Variants in NUP88 observed in about 807,000 individuals in gnomAD.
NUP88 encodes the protein nuclear pore complex protein Nup88.
A neutral mutation model predicts 93.9 loss-of-function variants in NUP88; 57 were observed. The ratio of observed to expected loss-of-function variants is 0.61; its 90% CI spans 0.49 to 0.76. The LOEUF (loss-of-function observed/expected upper bound fraction) is 0.76, where lower values mean the gene tolerates loss of function less well. Among genes scored for constraint, NUP88 ranks in the 30% least tolerant of loss-of-function variants. The probability of loss-of-function intolerance (pLI) is 0.00; values close to 1 mark genes in which losing one functional copy is unlikely to be tolerated. For synonymous variants in NUP88, 346 were observed against 336.8 expected, an observed-to-expected ratio of 1.03 and a Z score of -0.30; for missense variants, 911 against 901.0, an observed-to-expected ratio of 1.01 and a Z score of -0.14.
rs748424341 is a variant in NUP88 at position 5,419,552 on chromosome 17, G to T, written c.99C>A (p.Asn33Lys). Residue 33 changes from asparagine to lysine, a missense_variant, in exon 1 of 17, where the codon AAC becomes AAA. Physicochemically the swap from Asn to Lys is moderately conservative, Grantham distance 94. Coordinates refer to ENST00000573584, the MANE Select transcript of NUP88 (RefSeq NM_002532.6). Reference sequence around the variant, plus strand: ...GTTTCTCAGCTTCGGTTGGACTCTGGTTTTTCAGTCCCTCCCGGAGCCGCA... The same window carrying T: ...GTTTCTCAGCTTCGGTTGGACTCTGTTTTTTCAGTCCCTCCCGGAGCCGCA... The part of the protein sequence containing the change: ...VFLRLREGLK[N>K]QSPTEAEKPA... 6.2e-7 allele frequency: 1 copy of T among 1,613,142 alleles called. No homozygotes were observed.
chr17:5,406,537 G>C (rs1381471262), intron 5 of NUP88, among the ~76,000 whole-genome samples: 2 of 152,102 alleles, frequency 1.3e-5, no homozygotes, highest in Non-Finnish European at 2.9e-5. Context: ...TCTGGTATTA[G>C]GGAGGAAGAC....
Position 5,419,307 on chromosome 17 carries a change from G to A in NUP88, c.297+47C>T, listed in dbSNP as rs748793301. Reference sequence around the variant, plus strand: ...AGAGGAGCAAGGAACAAAAAAGACTGGTTCCGATCCCGGTGAGGGTCACTT... The same window carrying A: ...AGAGGAGCAAGGAACAAAAAAGACTAGTTCCGATCCCGGTGAGGGTCACTT... On this transcript the variant is annotated intron_variant, in intron 1 of 16. Coordinates refer to ENST00000573584, the MANE Select transcript of NUP88 (RefSeq NM_002532.6). 2.0e-6 allele frequency: 3 copies of A among 1,505,204 alleles called. No homozygotes were observed. The Admixed American group carries it at 6.9e-5, about 34-fold the overall frequency. 93.2% of individuals were successfully genotyped at this position (1,505,204 alleles called of 1,614,324 possible). A position where few individuals can be genotyped will look rare whatever the true frequency, so the allele number is the denominator to read the frequency against.
Position 5,394,876 on chromosome 17 carries a change from AG to A in NUP88, c.1382+14del. 1 of 1,558,238 alleles carries A rather than the reference AG, an allele frequency of 6.4e-7. No individual in the cohort carries two copies. Among genetic ancestry groups the A allele is most frequent in the Non-Finnish European group, 8.9e-7 (1 of 1,129,318 alleles). On this transcript the variant is annotated intron_variant, in intron 9 of 16. Coordinates refer to ENST00000573584, the MANE Select transcript of NUP88 (RefSeq NM_002532.6). ...ACAATTGTTTTCTGATATACAAGGGAGGGAGAGTCCTTACCTGCAGGGCAAT... is the reference window on the plus strand; with the variant it reads ...ACAATTGTTTTCTGATATACAAGGGAGGAGAGTCCTTACCTGCAGGGCAAT...
rs199804588 is a variant in NUP88, at chr17:5,400,139, T to TAAAAAA, written c.1193-490_1193-489insTTTTTT. Reference sequence around the variant, plus strand: ...GCAGGGTTGCCACATCTTTCATTTGTTAAAAAAAAAAAAAAAAAGCACTGT... The same window carrying TAAAAAA: ...GCAGGGTTGCCACATCTTTCATTTGTAAAAAATAAAAAAAAAAAAAAAAAGCACTGT... On this transcript the variant is annotated intron_variant, in intron 7 of 16. Coordinates refer to ENST00000573584, the MANE Select transcript of NUP88 (RefSeq NM_002532.6). 7.2e-5 allele frequency among the ~76,000 whole-genome samples: 8 copies of TAAAAAA among 111,608 alleles called. 1 individual carries two copies. The highest frequency in any genetic ancestry group is 9.3e-5 in the Admixed American group (1 of 10,758). The allele number at this position is 111,608 out of a possible 152,430, so 73.2% of individuals were successfully genotyped here. A position where few individuals can be genotyped will look rare whatever the true frequency, so the allele number is the denominator to read the frequency against.
At chr17:5,416,812 C>T (rs1457579176) in intron 1 of NUP88, 130 bp from the exon 2 acceptor site, 5 of 680,416 alleles carry the variant, frequency 7.3e-6, no homozygotes, top group African/African-American at 5.9e-5. Flanking sequence ...AGTACTCACA[C>T]TTGTACCATT....
At chr17:5,399,880 C>T (rs1475964444) in intron 7 of NUP88, among the ~76,000 whole-genome samples, 1 of 151,970 alleles carries the variant, frequency 6.6e-6, no homozygotes. Context: ...TGGTTCCAGA[C>T]CATTGCAATA....
intron 1 of NUP88, 77 bp from the exon 2 acceptor site, chr17:5,416,759 A>AACTAAAGTAT: frequency 1.7e-6 from 2 of 1,161,438 alleles, no homozygotes; most frequent in Non-Finnish European, 2.4e-6. Context: ...AATCACAGTA[A>AACTAAAGTAT]TACTTAGTTT....
chr17:5,401,937 T>G (rs1212988766), intron 7 of NUP88, among the ~76,000 whole-genome samples: 1 of 152,184 alleles, frequency 6.6e-6, no homozygotes, highest in Non-Finnish European at 1.5e-5. Context: ...TGTGCCTCAG[T>G]GATTATAATA....
In NUP88 at chr17:5,399,768, A is replaced by C. The variant is rs937909883; in HGVS notation, c.1193-118T>G. On this transcript the variant is annotated intron_variant, in intron 7 of 16. Coordinates refer to ENST00000573584, the MANE Select transcript of NUP88 (RefSeq NM_002532.6). ...AACGCATTTGTTGATGGAAGGTTTT[A>C]TAAAAGACTTTCATATTGTTAGGGG... is the stretch of plus-strand genomic sequence containing the variant. 7.7e-6 allele frequency: 4 copies of C among 518,720 alleles called. 1 individual carries two copies. In the Admixed American group the frequency reaches 1.1e-4, roughly 15 times the overall value. 32.1% of individuals were successfully genotyped at this position (518,720 alleles called of 1,614,324 possible).
At position 5,410,865 on chromosome 17, in the gene NUP88, C is replaced by T. The variant is rs878866712; in HGVS notation, c.594-76G>A. ...CCCAAAACTGCACTTTCCTCTCCAT[C>T]TAGTCAGTTCTTGAGAATTTTCTAA... On this transcript the variant is annotated intron_variant, in intron 3 of 16. Coordinates refer to ENST00000573584, the MANE Select transcript of NUP88 (RefSeq NM_002532.6). 7.9e-6 allele frequency: 7 copies of T among 881,586 alleles called. No homozygotes were observed. The South Asian group carries it at 1.0e-4, about 13-fold the overall frequency. 54.6% of individuals were successfully genotyped at this position (881,586 alleles called of 1,614,324 possible).
In NUP88 at chr17:5,386,009, T is replaced by C. The variant is rs1024013862; in HGVS notation, c.*197A>G. 2 of 529,808 alleles carry C rather than the reference T, an allele frequency of 3.8e-6. No homozygotes were observed. Among genetic ancestry groups the C allele is most frequent in the African/African-American group, 3.9e-5 (2 of 50,718 alleles). The allele number at this position is 529,808 out of a possible 1,614,324, so 32.8% of individuals were successfully genotyped here. A position where few individuals can be genotyped will look rare whatever the true frequency, so the allele number is the denominator to read the frequency against. On this transcript the variant is annotated 3_prime_UTR_variant, in exon 17 of 17. Transcript: ENST00000573584. Reference sequence around the variant, plus strand: ...GTCCTTGCTGAACACAACTGTAGGCTTGAGTTATAAAGCACATTCCAAATT... The same window carrying C: ...GTCCTTGCTGAACACAACTGTAGGCCTGAGTTATAAAGCACATTCCAAATT...
In NUP88 at chr17:5,388,784, A is replaced by G. The variant is rs1912218253; in HGVS notation, c.1643+18T>C. ...AAGAGAACCCATTCATAAAACCGCT[A>G]TGCCCAAGGTTGCATACTTCAAAAA... On this transcript the variant is annotated intron_variant, in intron 11 of 16. Coordinates refer to ENST00000573584, the MANE Select transcript of NUP88 (RefSeq NM_002532.6). The G allele has an allele frequency of 2.5e-6, 4 of 1,604,970 alleles. No individual in the cohort carries two copies. The highest frequency in any genetic ancestry group is 2.6e-6 in the Non-Finnish European group (3 of 1,175,314).
At chr17:5,408,959 G>A in intron 4 of NUP88, 50 bp from the exon 5 acceptor site, 6 of 1,445,546 alleles carry the variant, frequency 4.2e-6, no homozygotes, top group Admixed American at 2.6e-5. Context: ...ACAACAAAAA[G>A]TAAAAAGAAA....
chr17:5,388,773 A>C, intron 11 of NUP88, 29 bp downstream of exon 11: 1 of 1,597,174 alleles, frequency 6.3e-7, no homozygotes, highest in Non-Finnish European at 8.5e-7. Context: ...GAACCCATTC[A>C]TAAAACCGCT....
At chr17:5,412,279 C>T (rs1461180895) in intron 3 of NUP88, among the ~76,000 whole-genome samples, 4 of 152,118 alleles carry the variant, frequency 2.6e-5, no homozygotes, top group African/African-American at 9.7e-5. Context: ...AAGATTTTCC[C>T]TCTCCTCTTT....
chr17:5,395,002 T>C (rs765175531), intron 8 of NUP88, 21 bp from the exon 9 acceptor site: 10 of 1,372,884 alleles, frequency 7.3e-6, no homozygotes, highest in Non-Finnish European at 1.0e-5. Context: ...AGACATTACA[T>C]AAATGAAATG....
rs768427233 is a variant in NUP88, at chr17:5,388,794, T to C, written c.1643+8A>G. ...ATTCATAAAACCGCTATGCCCAAGG[T>C]TGCATACTTCAAAAATGCTGGATTG... On this transcript the variant is annotated splice_region_variant and intron_variant, in intron 11 of 16. Coordinates refer to ENST00000573584, the MANE Select transcript of NUP88 (RefSeq NM_002532.6). 8 of 1,612,592 alleles carry C rather than the reference T, an allele frequency of 5.0e-6. No homozygotes were observed. In the East Asian group the frequency reaches 6.7e-5, roughly 13 times the overall value.
intron 10 of NUP88, among the ~76,000 whole-genome samples, chr17:5,390,855 T>C (rs890115361): frequency 1.3e-5 from 2 of 152,074 alleles, no homozygotes; most frequent in African/African-American, 4.8e-5. Flanking sequence ...CCACCATGCC[T>C]GGCTAATTTT....
At chr17:5,386,683 T>C (rs1420268402) in intron 16 of NUP88, 25 bp downstream of exon 16, 1 of 1,399,116 alleles carries the variant, frequency 7.1e-7, no homozygotes, top group Non-Finnish European at 1.0e-6. Context: ...CTCACGATAA[T>C]AGCTGATTGG....
Sources: allele counts gnomAD v4.1 joint callset (sites outside exome capture counted in the v4.1 genomes callset), GRCh38; gene constraint gnomAD v4.1.1; transcripts MANE v1.5; gene names NCBI Gene and HGNC (gene_info 2026-07-23, HGNC 2026-07-21).